LDLRAD3: variants seen among roughly 807,000 people sequenced by gnomAD.
The protein encoded by LDLRAD3 is low density lipoprotein receptor class A domain containing 3.
A neutral mutation model predicts 29.4 loss-of-function variants in LDLRAD3; 20 were observed. The observed-to-expected ratio is 0.68, with a 90% CI of 0.48 to 0.99. The LOEUF (loss-of-function observed/expected upper bound fraction) is 0.99. Among genes scored for constraint, LDLRAD3 ranks in the 50% least tolerant of loss-of-function variants. LDLRAD3 has a pLI of 0.00. For missense variants in LDLRAD3, 420 were observed against 454.3 expected (o/e 0.92, Z 0.69); for synonymous variants, 157 against 192.7 (o/e 0.81, Z 1.53).
intron 4 of LDLRAD3, among the ~76,000 whole-genome samples, chr11:36,170,789 C>A (rs868121191): frequency 1.6e-4 from 25 of 151,730 alleles, no homozygotes; most frequent in Admixed American, 8.5e-4. Context: ...CGTTTGTTGG[C>A]CATTTGTATA....
intron 2 of LDLRAD3, among the ~76,000 whole-genome samples, chr11:36,060,759 G>A (rs1428304005): frequency 2.0e-5 from 3 of 152,146 alleles, no homozygotes; most frequent in Non-Finnish European, 2.9e-5. Context: ...TGGTCACAAG[G>A]AAACTCAACT....
intron 4 of LDLRAD3, among the ~76,000 whole-genome samples, chr11:36,116,589 T>C (rs1474388297): frequency 6.6e-6 from 1 of 152,222 alleles, no homozygotes; most frequent in Non-Finnish European, 1.5e-5. Context: ...GGATGCATCC[T>C]TGGACAAGAG....
At chr11:35,997,188 C>A in intron 1 of LDLRAD3, 1 of 274,364 alleles carries the variant, frequency 3.6e-6, no homozygotes, top group Non-Finnish European at 7.0e-6. Context: ...TTCCTTTGTG[C>A]TTCTTAACTA....
At chr11:36,170,459 T>C (rs1854582809) in intron 4 of LDLRAD3, among the ~76,000 whole-genome samples, 1 of 152,074 alleles carries the variant, frequency 6.6e-6, no homozygotes. Context: ...TGTGCTGCTA[T>C]AAACATGTAT....
chr11:36,002,557 C>T (rs1851837962), intron 1 of LDLRAD3, among the ~76,000 whole-genome samples: 1 of 152,200 alleles, frequency 6.6e-6, no homozygotes, highest in Non-Finnish European at 1.5e-5. Flanking sequence ...GGTGCTTTTT[C>T]TAACTCTGGC....
Position 36,102,167 on chromosome 11 carries a change from C to G in LDLRAD3, c.454+3706C>G, listed in dbSNP as rs566455675. ...CCTCCCAAAGTTCTGGGATTACAGG[C>G]GTGAGCCACCGCACCCGGCCGACCC... On this transcript the variant is annotated intron_variant, in intron 4 of 5. Transcript: ENST00000315571. 3 of 170,088 alleles carry G rather than the reference C, an allele frequency of 1.8e-5. No individual in the cohort carries two copies. The Admixed American group carries it at 1.9e-4, about 10-fold the overall frequency. The allele number at this position is 170,088 out of a possible 1,614,324, so 10.5% of individuals were successfully genotyped here. A position where few individuals can be genotyped will look rare whatever the true frequency, so the allele number is the denominator to read the frequency against.
At chr11:36,120,727 T>C (rs1853744048) in intron 4 of LDLRAD3, among the ~76,000 whole-genome samples, 1 of 152,184 alleles carries the variant, frequency 6.6e-6, no homozygotes, top group African/African-American at 2.4e-5. Flanking sequence ...CTGCCTGCTG[T>C]GGGTCTGAAT....
At chr11:36,191,622 ACG>A (rs545950044) in intron 4 of LDLRAD3, among the ~76,000 whole-genome samples, 10,368 of 80,038 alleles carry the variant, frequency 0.13, 704 homozygotes, top group Non-Finnish European at 0.15. Context: ...ACACACACAC[ACG>A]CACGCACGCA....
At chr11:36,116,317 C>T (rs1203424629) in intron 4 of LDLRAD3, among the ~76,000 whole-genome samples, 1 of 152,178 alleles carries the variant, frequency 6.6e-6, no homozygotes, top group Non-Finnish European at 1.5e-5. Context: ...CAGCAAGAAG[C>T]CAGCGTCCCA....
In LDLRAD3 at chr11:36,229,612, C is replaced by CTTTT; in HGVS notation, c.*215_*216insTTTT. 1 of 471,084 alleles carries CTTTT rather than the reference C, an allele frequency of 2.1e-6. No individual in the cohort carries two copies. The highest frequency in any genetic ancestry group is 3.1e-5 in the East Asian group (1 of 32,218). 29.2% of individuals were successfully genotyped at this position (471,084 alleles called of 1,614,324 possible). On this transcript the variant is annotated 3_prime_UTR_variant, in exon 6 of 6. Coordinates refer to ENST00000315571, the MANE Select transcript of LDLRAD3 (RefSeq NM_174902.4). ...ATGATCTGTTGTGCGTCTTTTCTGT[C>CTTTT]AGGTCACTCTTCCCTTGGGACCCGA...
chr11:36,089,128 A>G (rs1430291522), intron 3 of LDLRAD3, among the ~76,000 whole-genome samples: 2 of 152,204 alleles, frequency 1.3e-5, no homozygotes, highest in African/African-American at 4.8e-5. Context: ...CTTTCTCGTA[A>G]TGGCATATTG....
intron 2 of LDLRAD3, among the ~76,000 whole-genome samples, chr11:36,071,096 AAT>A (rs1852894079): frequency 6.6e-6 from 1 of 152,194 alleles, no homozygotes; most frequent in Non-Finnish European, 1.5e-5. Flanking sequence ...TTTGCAGAAT[AAT>A]GAAATACACA....
intron 4 of LDLRAD3, among the ~76,000 whole-genome samples, chr11:36,191,492 A>C (rs1380054140): frequency 1.4e-5 from 2 of 146,340 alleles, no homozygotes; most frequent in African/African-American, 2.5e-5. Context: ...GTGGTGAGCT[A>C]TGAGCGCGCC....
chr11:36,099,534 A>G (rs1007015033), intron 4 of LDLRAD3, among the ~76,000 whole-genome samples: 4 of 152,158 alleles, frequency 2.6e-5, no homozygotes, highest in African/African-American at 9.7e-5. Flanking sequence ...TGATTGTACC[A>G]TAGTTTATAG....
intron 2 of LDLRAD3, among the ~76,000 whole-genome samples, chr11:36,046,865 G>A (rs2133219696): frequency 6.6e-6 from 1 of 152,290 alleles, no homozygotes. Flanking sequence ...TGTCAATAAA[G>A]CAGGAAGGGT....
intron 4 of LDLRAD3, among the ~76,000 whole-genome samples, chr11:36,118,496 AGTGTGT>A (rs879322720): frequency 1.1e-4 from 12 of 114,004 alleles, no homozygotes; most frequent in African/African-American, 3.0e-4. Flanking sequence ...AGTAAGAGTG[AGTGTGT>A]GTGTGTGTGT....
In LDLRAD3 at chr11:36,213,661, G is replaced by T. The variant is rs1855313707; in HGVS notation, c.455-13424G>T. On this transcript the variant is annotated intron_variant, in intron 4 of 5. Transcript: ENST00000315571. The surrounding 1 kb of genome is among the most constrained non-coding windows in gnomAD (Gnocchi z 4.1). ...GACCCCCAGGGCCGCTCCCACCCTG[G>T]GAGTGCCATTGGGGTCAGGCCTGCT... Among the ~76,000 whole-genome samples the T allele has an allele frequency of 6.6e-6, 1 of 152,200 alleles. No homozygotes were observed. Among genetic ancestry groups the T allele is most frequent in the Non-Finnish European group, 1.5e-5 (1 of 68,036 alleles).
At chr11:36,205,958 G>A (rs530567466) in intron 4 of LDLRAD3, among the ~76,000 whole-genome samples, 7 of 152,246 alleles carry the variant, frequency 4.6e-5, no homozygotes, top group East Asian at 1.9e-4. Context: ...TGTTAACAGC[G>A]GTGTCTCCTT....
At chr11:36,006,997 G>A (rs1851893622) in intron 1 of LDLRAD3, among the ~76,000 whole-genome samples, 1 of 152,160 alleles carries the variant, frequency 6.6e-6, no homozygotes, top group Admixed American at 6.6e-5. Flanking sequence ...CTTGACCTGG[G>A]TTACTCTGTC....
Sources: allele counts gnomAD v4.1 joint callset (sites outside exome capture counted in the v4.1 genomes callset), GRCh38; gene constraint gnomAD v4.1.1; non-coding constraint Gnocchi (gnomAD v3.1); transcripts MANE v1.5; gene names NCBI Gene and HGNC (gene_info 2026-07-23, HGNC 2026-07-21).